Variants in DGKG observed in about 807,000 individuals in gnomAD.
The protein encoded by DGKG is DAG kinase gamma.
A neutral mutation model predicts 105.3 loss-of-function variants in DGKG; 78 were observed. The ratio of observed to expected loss-of-function variants is 0.74; its 90% CI spans 0.62 to 0.89. The LOEUF (loss-of-function observed/expected upper bound fraction) is 0.89, where lower values mean the gene tolerates loss of function less well. Among genes scored for constraint, DGKG ranks in the 40% least tolerant of loss-of-function variants. DGKG has a pLI of 0.00. For synonymous variants in DGKG, 346 were observed against 367.1 expected (o/e 0.94, Z 0.66); for missense variants, 958 against 1,020.1 (o/e 0.94, Z 0.83).
At chr3:186,159,789 G>A (rs1207570999) in intron 24 of DGKG, 2 of 152,180 alleles carry the variant, frequency 1.3e-5, no homozygotes, top group African/African-American at 2.4e-5. Context: ...CTAACCCCCA[G>A]TGTGACTATA....
At chr3:186,202,174 C>T (rs533476887) in intron 21 of DGKG, among the ~76,000 whole-genome samples, 1 of 152,368 alleles carries the variant, frequency 6.6e-6, no homozygotes, top group East Asian at 1.9e-4. Flanking sequence ...GTGGTAAGTA[C>T]TCAGTAAGTT....
At chr3:186,184,111 G>A (rs990922734) in intron 22 of DGKG, among the ~76,000 whole-genome samples, 18 of 145,516 alleles carry the variant, frequency 1.2e-4, no homozygotes, top group African/African-American at 3.3e-4. Context: ...AATTATAGGC[G>A]TAGGGACTTT....
chr3:186,277,158 C>G (rs777124249), intron 9 of DGKG, among the ~76,000 whole-genome samples: 1 of 152,064 alleles, frequency 6.6e-6, no homozygotes, highest in Non-Finnish European at 1.5e-5. Context: ...TTCATTTATT[C>G]GTTTGACCAA....
chr3:186,167,163 G>A (rs1328943236), intron 22 of DGKG, among the ~76,000 whole-genome samples: 2 of 152,160 alleles, frequency 1.3e-5, no homozygotes, highest in African/African-American at 4.8e-5. Flanking sequence ...ACAGATGTGG[G>A]ACTGAGGAGA....
At position 186,256,004 on chromosome 3, in the gene DGKG, C is replaced by T. The variant is rs150239272; in HGVS notation, c.1510+1850G>A. On this transcript the variant is annotated intron_variant, in intron 17 of 24. Coordinates refer to ENST00000265022, the MANE Select transcript of DGKG (RefSeq NM_001346.3). ...CAGCTTCTATCACCTGTGTCCTCTG[C>T]GGATGAACTGCATAAAGCTCTCCGC... is the stretch of plus-strand genomic sequence containing the variant. Among the ~76,000 whole-genome samples the T allele has an allele frequency of 3.9e-5, 6 of 152,188 alleles. No homozygotes were observed. In the East Asian group the frequency reaches 5.8e-4, roughly 15 times the overall value.
intron 20 of DGKG, among the ~76,000 whole-genome samples, chr3:186,230,358 G>A (rs1407019815): frequency 6.6e-6 from 1 of 152,178 alleles, no homozygotes; most frequent in Non-Finnish European, 1.5e-5. Flanking sequence ...TGGTTAAGTA[G>A]GTTCGTTCAG....
At chr3:186,250,126 C>G (rs1168637366) in intron 19 of DGKG, among the ~76,000 whole-genome samples, 1 of 152,094 alleles carries the variant, frequency 6.6e-6, no homozygotes, top group African/African-American at 2.4e-5. Flanking sequence ...TCAAGGGTCT[C>G]GAAGCCTCAT....
intron 2 of DGKG, among the ~76,000 whole-genome samples, chr3:186,308,547 G>A (rs767215797): frequency 2.0e-5 from 3 of 152,130 alleles, no homozygotes; most frequent in Non-Finnish European, 4.4e-5. Context: ...ATATTCGTGG[G>A]CTGGGCTGTT....
chr3:186,311,561 C>A (rs1382802527), intron 2 of DGKG, among the ~76,000 whole-genome samples: 1 of 152,130 alleles, frequency 6.6e-6, no homozygotes, highest in Non-Finnish European at 1.5e-5. Context: ...AGTTTTCAGT[C>A]CAAAATTGTC....
rs1470837035 is a variant in DGKG at position 186,361,728 on chromosome 3, C to T, written c.-249+218G>A. The stretch of plus-strand genomic sequence containing the variant: ...CTCAGTCGCAGAGAGAGCCGAGCCC[C>T]ACCCTGTGCGTTCCCCAAGCCTGCA... On this transcript the variant is annotated intron_variant, in intron 1 of 24. Coordinates refer to ENST00000265022, the MANE Select transcript of DGKG (RefSeq NM_001346.3). The surrounding 1 kb of genome is among the most constrained non-coding windows in gnomAD (Gnocchi z 6.8). 1.3e-5 allele frequency among the ~76,000 whole-genome samples: 2 copies of T among 152,234 alleles called. No homozygotes were observed. Among genetic ancestry groups the T allele is most frequent in the Non-Finnish European group, 2.9e-5 (2 of 68,036 alleles).
intron 20 of DGKG, among the ~76,000 whole-genome samples, chr3:186,241,980 C>T (rs1363437780): frequency 1.3e-5 from 2 of 152,202 alleles, no homozygotes; most frequent in Admixed American, 1.3e-4. Flanking sequence ...CCAGCCTTTG[C>T]AGGTACCTCT....
At chr3:186,348,153 G>T (rs1726435568) in intron 1 of DGKG, among the ~76,000 whole-genome samples, 1 of 151,986 alleles carries the variant, frequency 6.6e-6, no homozygotes, top group South Asian at 2.1e-4. Context: ...TATCTTCTTT[G>T]TTGAGAGTAA....
intron 1 of DGKG, among the ~76,000 whole-genome samples, chr3:186,331,044 AG>A (rs1397905373): frequency 6.6e-6 from 1 of 152,238 alleles, no homozygotes; most frequent in Non-Finnish European, 1.5e-5. Flanking sequence ...AAAATCTAGT[AG>A]TTGGAAAATT....
At chr3:186,297,367 C>T in intron 5 of DGKG, 54 bp downstream of exon 5, 1 of 1,374,778 alleles carries the variant, frequency 7.3e-7, no homozygotes, top group Non-Finnish European at 1.0e-6. Context: ...CACTTCTCCC[C>T]AAGGATGAGG....
At chr3:186,193,788 C>A (rs756610670) in intron 21 of DGKG, among the ~76,000 whole-genome samples, 1 of 152,260 alleles carries the variant, frequency 6.6e-6, no homozygotes, top group African/African-American at 2.4e-5. Flanking sequence ...GCCCCCTCCC[C>A]CTGCTCCGGC....
At chr3:186,320,952 C>T (rs1445586313) in intron 1 of DGKG, among the ~76,000 whole-genome samples, 5 of 152,174 alleles carry the variant, frequency 3.3e-5, no homozygotes, top group African/African-American at 1.2e-4. Flanking sequence ...TTCCATGTGT[C>T]ACATGAGAGG....
At chr3:186,285,265 T>C (rs1723009921) in intron 6 of DGKG, among the ~76,000 whole-genome samples, 1 of 152,220 alleles carries the variant, frequency 6.6e-6, no homozygotes, top group Non-Finnish European at 1.5e-5. Flanking sequence ...GCTTAGAACA[T>C]AGAAAGCACT....
intron 19 of DGKG, among the ~76,000 whole-genome samples, chr3:186,245,694 A>G (rs1193764002): frequency 6.6e-6 from 1 of 152,170 alleles, no homozygotes. Flanking sequence ...GGTGGAAGGT[A>G]TGGACATAGA....
At chr3:186,290,538 G>A (rs574042192) in intron 5 of DGKG, among the ~76,000 whole-genome samples, 26 of 152,188 alleles carry the variant, frequency 1.7e-4, no homozygotes, top group Non-Finnish European at 3.5e-4. Flanking sequence ...TGGTTCATAG[G>A]ACATTATATT....
Sources: gnomAD v4.1 joint callset for allele counts (sites outside exome capture counted in the v4.1 genomes callset) on GRCh38, gnomAD v4.1.1 for gene constraint, Gnocchi (gnomAD v3.1) non-coding constraint, MANE v1.5 for transcripts, NCBI Gene and HGNC (gene_info 2026-07-23, HGNC 2026-07-21) for gene names.